MYL12A: variants seen among roughly 807,000 people sequenced by gnomAD.
The protein encoded by MYL12A is myosin regulatory light chain 12A.
MYL12A carries 11 observed loss-of-function variants against 13.3 expected under a neutral mutation model. That is an observed-to-expected ratio of 0.83 (90% CI 0.52 to 1.37). MYL12A has a LOEUF of 1.37. Among genes scored for constraint, MYL12A ranks in the 40% most tolerant of loss-of-function variants. MYL12A has a pLI of 0.00. For missense variants in MYL12A, 146 were observed against 212.3 expected (o/e 0.69, Z 1.94); for synonymous variants, 51 against 69.9 (o/e 0.73, Z 1.35).
chr18:3,253,477 C>A (rs778370625), intron 2 of MYL12A, 49 bp downstream of exon 2: 50 of 1,580,772 alleles, frequency 3.2e-5, no homozygotes, highest in Admixed American at 1.0e-4. Flanking sequence ...TTCCATGGTG[C>A]CTTTCATCTT....
chr18:3,250,588 G>A (rs2081475087), intron 1 of MYL12A, among the ~76,000 whole-genome samples: 1 of 152,152 alleles, frequency 6.6e-6, no homozygotes, highest in African/African-American at 2.4e-5. Flanking sequence ...TCAGAATCCA[G>A]CCTCCTTGAA....
At chr18:3,254,640 A>T (rs2081519392) in intron 3 of MYL12A, among the ~76,000 whole-genome samples, 1 of 152,262 alleles carries the variant, frequency 6.6e-6, no homozygotes, top group South Asian at 2.1e-4. Context: ...TGTGAGAATT[A>T]AGTGAAGAAG....
chr18:3,255,105 C>G (rs1284058508), intron 3 of MYL12A, among the ~76,000 whole-genome samples: 1 of 152,194 alleles, frequency 6.6e-6, no homozygotes, highest in Non-Finnish European at 1.5e-5. Flanking sequence ...CCCCACTGCC[C>G]AGCACAGTGC....
At chr18:3,249,539 C>T (rs918892751) in intron 1 of MYL12A, 44 of 152,338 alleles carry the variant, frequency 2.9e-4, no homozygotes, top group African/African-American at 1.1e-3. Context: ...GAAGCCTGTT[C>T]TGTAAGTCTC....
chr18:3,251,961 C>G (rs549438805), intron 1 of MYL12A, among the ~76,000 whole-genome samples: 1 of 152,276 alleles, frequency 6.6e-6, no homozygotes, highest in East Asian at 1.9e-4. Context: ...CAGAGCTTTT[C>G]TAATCATTCC....
At chr18:3,252,824 G>A (rs1270237538) in intron 1 of MYL12A, among the ~76,000 whole-genome samples, 1 of 152,182 alleles carries the variant, frequency 6.6e-6, no homozygotes, top group African/African-American at 2.4e-5. Flanking sequence ...TGTTCCATCA[G>A]TTAGTCATTC....
At chr18:3,252,745 A>G (rs1201872503) in intron 1 of MYL12A, among the ~76,000 whole-genome samples, 1 of 152,210 alleles carries the variant, frequency 6.6e-6, no homozygotes, top group African/African-American at 2.4e-5. Context: ...GTGAGGGTAC[A>G]ATAAAAAATG....
intron 3 of MYL12A, among the ~76,000 whole-genome samples, chr18:3,254,540 T>C (rs1188815829): frequency 6.6e-6 from 1 of 152,210 alleles, no homozygotes; most frequent in Non-Finnish European, 1.5e-5. Context: ...ACATAATAGC[T>C]GTATAATTTG....
chr18:3,252,248 T>G, intron 1 of MYL12A: 1 of 1,265,284 alleles, frequency 7.9e-7, no homozygotes, highest in Non-Finnish European at 1.1e-6. Flanking sequence ...CTTGGAAGAA[T>G]ATAACTCAAT....
At chr18:3,251,996 A>G (rs1662343) in intron 1 of MYL12A, among the ~76,000 whole-genome samples, 22,727 of 152,106 alleles carry the variant, frequency 0.15, 1,770 homozygotes, top group East Asian at 0.26. Flanking sequence ...TCTGGACGAT[A>G]TGGTTATAAT....
chr18:3,251,161 T>C (rs1387916632), intron 1 of MYL12A, among the ~76,000 whole-genome samples: 2 of 152,008 alleles, frequency 1.3e-5, no homozygotes, highest in Non-Finnish European at 2.9e-5. Context: ...AAAAAGCTTT[T>C]TTACTTTAAA....
At chr18:3,248,597 A>C (rs1431582064) in intron 1 of MYL12A, 1 of 152,258 alleles carries the variant, frequency 6.6e-6, no homozygotes, top group Non-Finnish European at 1.5e-5. Context: ...CTTAAGTGCA[A>C]AAAGTTTCAT....
chr18:3,253,599 C>G, intron 2 of MYL12A, 171 bp downstream of exon 2: 1 of 873,928 alleles, frequency 1.1e-6, no homozygotes. Context: ...GTGACCCTGT[C>G]TTAGGATTGG....
In MYL12A at chr18:3,254,062, G is replaced by A. The variant is rs775730547; in HGVS notation, c.343+12G>A. 4.4e-6 allele frequency: 7 copies of A among 1,607,212 alleles called. No individual in the cohort carries two copies. The South Asian group carries it at 5.6e-5, about 13-fold the overall frequency. On this transcript the variant is annotated intron_variant, in intron 3 of 3. Transcript: ENST00000217652. ...TGAAGAAGCAACTGGTAAGTGAGAG[G>A]TAACCTTTAATTATAAAGTGATTTA... is the stretch of plus-strand genomic sequence containing the variant.
chr18:3,248,953 T>C (rs2081457104), intron 1 of MYL12A, among the ~76,000 whole-genome samples: 1 of 152,000 alleles, frequency 6.6e-6, no homozygotes, highest in Non-Finnish European at 1.5e-5. Flanking sequence ...ATTGATTAAA[T>C]GAGGCGGTAT....
intron 1 of MYL12A, among the ~76,000 whole-genome samples, chr18:3,248,908 A>G (rs1363722241): frequency 1.3e-5 from 2 of 151,196 alleles, no homozygotes; most frequent in African/African-American, 2.4e-5. Flanking sequence ...AGCACCAGAA[A>G]ATAAGTTATA....
At chr18:3,248,407 C>G (rs2081451718) in intron 1 of MYL12A, 1 of 152,126 alleles carries the variant, frequency 6.6e-6, no homozygotes. Flanking sequence ...ACAGAGAGAT[C>G]TGGAGTTTAG....
chr18:3,248,890 T>C (rs9789245), intron 1 of MYL12A, among the ~76,000 whole-genome samples: 85,722 of 151,876 alleles, frequency 0.56, 26,355 homozygotes, highest in Non-Finnish European at 0.69. Context: ...TTTTTAAAAA[T>C]TGTGGTTAGC....
rs2081512396 is a variant in MYL12A at position 3,253,914 on chromosome 18, A to G, written c.207A>G (p.Leu69=). 1.2e-6 allele frequency: 2 copies of G among 1,610,402 alleles called. No homozygotes were observed. The highest frequency in any genetic ancestry group is 1.1e-5 in the South Asian group (1 of 90,002). Residue 69 remains leucine (L), a synonymous_variant, in exon 3 of 4, where the codon CTA becomes CTG. Coordinates refer to ENST00000217652, the MANE Select transcript of MYL12A (RefSeq NM_006471.4). ...SLGKNPTDEY[L]DAMMNEAPGP... ...GGAAGAATCCAACTGATGAGTATCT[A>G]GATGCCATGATGAATGAGGCTCCAG...
Sources: allele counts gnomAD v4.1 joint callset (sites outside exome capture counted in the v4.1 genomes callset), GRCh38; gene constraint gnomAD v4.1.1; transcripts MANE v1.5; gene names NCBI Gene and HGNC (gene_info 2026-07-23, HGNC 2026-07-21).